Variants in ABLIM3 observed in about 807,000 individuals in gnomAD.
ABLIM3 encodes actin-binding LIM protein 3.
In ABLIM3, 61 loss-of-function variants were observed where a neutral mutation model predicts 109.5. That is an observed-to-expected ratio of 0.56 (90% CI 0.45 to 0.69). The LOEUF (loss-of-function observed/expected upper bound fraction) is 0.69, where lower values mean the gene tolerates loss of function less well. Ranked by LOEUF, ABLIM3 falls within the 30% of genes least tolerant of loss-of-function variation. The pLI is 0.00. For missense variants in ABLIM3, 796 were observed against 889.5 expected (o/e 0.89, Z 1.34); for synonymous variants, 300 against 324.8 (o/e 0.92, Z 0.82).
chr5:149,169,145 G>T (rs955506690), intron 2 of ABLIM3, among the ~76,000 whole-genome samples: 2 of 124,990 alleles, frequency 1.6e-5, no homozygotes, highest in Non-Finnish European at 3.0e-5. Context: ...ATCCAGAGCT[G>T]GTCCAGAAAG....
intron 8 of ABLIM3, among the ~76,000 whole-genome samples, chr5:149,223,001 C>T (rs1760813633): frequency 6.6e-6 from 1 of 152,102 alleles, no homozygotes; most frequent in Non-Finnish European, 1.5e-5. Flanking sequence ...AATCCTACTA[C>T]CTAATTTTAG....
intron 14 of ABLIM3, among the ~76,000 whole-genome samples, chr5:149,241,243 C>T (rs1420359894): frequency 1.3e-5 from 2 of 152,208 alleles, no homozygotes; most frequent in Non-Finnish European, 2.9e-5. Flanking sequence ...CAACTGTGCT[C>T]AACCCAGCCC....
At position 149,260,089 on chromosome 5, in the gene ABLIM3, C is replaced by CAT. The variant is rs768748839; in HGVS notation, c.*1688_*1689dup. 11 of 156,672 alleles carry CAT rather than the reference C, an allele frequency of 7.0e-5. No homozygotes were observed. Among genetic ancestry groups the CAT allele is most frequent in the Non-Finnish European group, 1.3e-4 (9 of 70,484 alleles). The allele number at this position is 156,672 out of a possible 1,614,324, so 9.7% of individuals were successfully genotyped here. ...AGTGTGCGTGATGTTAATGAAAAGT[C>CAT]ATATGCAGCTAGAGCAGACCCAGGA... On this transcript the variant is annotated 3_prime_UTR_variant, in exon 24 of 24. Coordinates refer to ENST00000309868, the MANE Select transcript of ABLIM3 (RefSeq NM_014945.5).
intron 23 of ABLIM3, among the ~76,000 whole-genome samples, chr5:149,254,496 TAGG>T: frequency 6.6e-6 from 1 of 152,234 alleles, no homozygotes; most frequent in African/African-American, 2.4e-5. Context: ...GCTTCTGAAA[TAGG>T]AGGCTCAGCA....
chr5:149,199,058 T>C (rs1200397611), intron 4 of ABLIM3: 5 of 456,582 alleles, frequency 1.1e-5, no homozygotes, highest in Non-Finnish European at 1.8e-5. Flanking sequence ...TCTCCAGGGA[T>C]GGAGAGCTCA....
chr5:149,259,412 C>T lies in ABLIM3; in HGVS notation c.*1008C>T, dbSNP rs1754718394. 1 of 1,502,342 alleles carries T rather than the reference C, an allele frequency of 6.7e-7. No individual in the cohort carries two copies. The highest frequency in any genetic ancestry group is 8.9e-7 in the Non-Finnish European group (1 of 1,128,606). The allele number at this position is 1,502,342 out of a possible 1,614,324, so 93.1% of individuals were successfully genotyped here. On this transcript the variant is annotated 3_prime_UTR_variant, in exon 24 of 24. Coordinates refer to ENST00000309868, the MANE Select transcript of ABLIM3 (RefSeq NM_014945.5). ...AACCAGACAGACAACTCTCATCATC[C>T]TCCAGAGAGAAAATAGGCCGTGTCT...
chr5:149,248,072 G>T (rs1350809164), intron 18 of ABLIM3, 143 bp downstream of exon 18: 9 of 1,078,012 alleles, frequency 8.3e-6, no homozygotes, highest in Non-Finnish European at 1.2e-5. Context: ...CAGCCCTGTG[G>T]TGGGTGACTT....
At chr5:149,239,048 A>C (rs1442155335) in intron 11 of ABLIM3, among the ~76,000 whole-genome samples, 200 bp from the exon 12 acceptor site, 1 of 152,160 alleles carries the variant, frequency 6.6e-6, no homozygotes, top group South Asian at 2.1e-4. Context: ...AAAGGCGGGC[A>C]TAATCTCGAG....
intron 3 of ABLIM3, among the ~76,000 whole-genome samples, chr5:149,188,120 C>T (rs1451472898): frequency 2.0e-5 from 3 of 152,204 alleles, no homozygotes; most frequent in Non-Finnish European, 4.4e-5. Context: ...ACAAGAATTT[C>T]TGCTCTCACC....
chr5:149,154,637 C>CA (rs1753724803), intron 2 of ABLIM3, among the ~76,000 whole-genome samples: 2 of 152,196 alleles, frequency 1.3e-5, no homozygotes, highest in African/African-American at 4.8e-5. Context: ...GGAATATCCC[C>CA]ATGTTATATT....
At position 149,237,488 on chromosome 5, in the gene ABLIM3, C is replaced by A. The variant is rs762942384; in HGVS notation, c.929C>A (p.Ala310Glu). 3.1e-6 allele frequency: 5 copies of A among 1,614,030 alleles called. No individual in the cohort carries two copies. In the South Asian group the frequency reaches 3.3e-5, roughly 11 times the overall value. ...DNEILNYKDL[A>E]ALPKVKSIYE... is the part of the protein sequence containing the mutation. ...GAGATCCTTAATTACAAAGACCTGG[C>A]GGCTCTCCCCAAGGTTAAGTCTATC... The change falls in exon 11 of 24, where the codon GCG becomes GAG. Residue 310 changes from alanine (A) to glutamate (E), a missense_variant. Ala to Glu is a moderately radical substitution (Grantham distance 107, BLOSUM62 -1). Coordinates refer to ENST00000309868, the MANE Select transcript of ABLIM3 (RefSeq NM_014945.5).
chr5:149,260,337 T>C lies in ABLIM3; in HGVS notation c.*1933T>C, dbSNP rs1754794651. The C allele has an allele frequency of 6.6e-6, 1 of 152,638 alleles. No homozygotes were observed. The highest frequency in any genetic ancestry group is 2.1e-4 in the South Asian group (1 of 4,830). 9.5% of individuals were successfully genotyped at this position (152,638 alleles called of 1,614,324 possible). A position where few individuals can be genotyped will look rare whatever the true frequency, so the allele number is the denominator to read the frequency against. On this transcript the variant is annotated 3_prime_UTR_variant, in exon 24 of 24. Transcript: ENST00000309868. The stretch of plus-strand genomic sequence containing the variant: ...CCCAGCCAGACGCAATCATGGAAGT[T>C]GCCTTATTGTCACTGGTTAAGAACT...
At chr5:149,150,754 A>G (rs1753356839) in intron 2 of ABLIM3, among the ~76,000 whole-genome samples, 1 of 152,208 alleles carries the variant, frequency 6.6e-6, no homozygotes, top group African/African-American at 2.4e-5. Flanking sequence ...TTTGCCAGAT[A>G]AATTCTTCCT....
chr5:149,190,162 T>C (rs1350795061), intron 3 of ABLIM3, among the ~76,000 whole-genome samples: 2 of 152,164 alleles, frequency 1.3e-5, no homozygotes, highest in Non-Finnish European at 2.9e-5. Context: ...AGGCATATTA[T>C]ATAAAGACAG....
chr5:149,230,030 A>G (rs1194010689), intron 8 of ABLIM3, among the ~76,000 whole-genome samples: 1 of 152,354 alleles, frequency 6.6e-6, no homozygotes, highest in East Asian at 1.9e-4. Context: ...GTAGACAGTC[A>G]TAAGTCTTTA....
At chr5:149,185,892 C>G (rs1470498418) in intron 3 of ABLIM3, among the ~76,000 whole-genome samples, 1 of 152,188 alleles carries the variant, frequency 6.6e-6, no homozygotes, top group African/African-American at 2.4e-5. Flanking sequence ...TTATTTCATC[C>G]TGATAGTTTA....
At chr5:149,169,099 C>A (rs532629382) in intron 2 of ABLIM3, among the ~76,000 whole-genome samples, 62 of 130,032 alleles carry the variant, frequency 4.8e-4, no homozygotes, top group Middle Eastern at 3.6e-3. Context: ...CCCCACCCCC[C>A]GTCTCACCCT....
intron 8 of ABLIM3, among the ~76,000 whole-genome samples, chr5:149,229,888 A>G (rs1321080406): frequency 6.6e-6 from 1 of 152,176 alleles, no homozygotes; most frequent in African/African-American, 2.4e-5. Flanking sequence ...CCCACCCACA[A>G]TAAAATGTGG....
chr5:149,225,088 T>A (rs918139665), intron 8 of ABLIM3, among the ~76,000 whole-genome samples: 1 of 152,156 alleles, frequency 6.6e-6, no homozygotes, highest in Non-Finnish European at 1.5e-5. Context: ...AGGAACAGAG[T>A]GCCTTGGTCT....
Sources: allele counts gnomAD v4.1 joint callset (sites outside exome capture counted in the v4.1 genomes callset), GRCh38; gene constraint gnomAD v4.1.1; transcripts MANE v1.5; gene names NCBI Gene and HGNC (gene_info 2026-07-23, HGNC 2026-07-21).